Variants in ARB2A observed in about 807,000 individuals in gnomAD.
ARB2A encodes the protein ARB2 cotranscriptional regulator A.
At chr5:94,038,828 A>G in the ARB2A span, among the ~76,000 whole-genome samples, 5 of 151,868 alleles carry the variant, frequency 3.3e-5, no homozygotes, top group South Asian at 1.0e-3. Flanking sequence ...AAAAAACAGA[A>G]GGGGTTTTTG....
the ARB2A span, among the ~76,000 whole-genome samples, chr5:93,660,552 T>A: frequency 3.2e-4 from 49 of 152,136 alleles, 1 homozygote; most frequent in Admixed American, 2.9e-3. Flanking sequence ...CTTGTTTGGA[T>A]AGAATGAAAG....
chr5:93,892,672 T>C, the ARB2A span, among the ~76,000 whole-genome samples: 1 of 152,178 alleles, frequency 6.6e-6, no homozygotes, highest in Admixed American at 6.6e-5. Flanking sequence ...TGACTTGAAT[T>C]TCCTATTTGA....
At chr5:94,047,914 A>G in the ARB2A span, among the ~76,000 whole-genome samples, 3 of 152,166 alleles carry the variant, frequency 2.0e-5, no homozygotes, top group Non-Finnish European at 4.4e-5. Flanking sequence ...TGGCTTATGG[A>G]AAATAGTAAA....
At chr5:93,904,379 T>A in the ARB2A span, among the ~76,000 whole-genome samples, 2 of 151,858 alleles carry the variant, frequency 1.3e-5, no homozygotes, top group Non-Finnish European at 2.9e-5. Context: ...ATCTTTCTCA[T>A]GTGATGCTCT....
At chr5:93,838,800 G>A in the ARB2A span, among the ~76,000 whole-genome samples, 2 of 151,934 alleles carry the variant, frequency 1.3e-5, no homozygotes, top group East Asian at 3.9e-4. Context: ...ATTCTTTTTT[G>A]TGGCAATTGT....
At chr5:94,094,982 G>T in the ARB2A span, among the ~76,000 whole-genome samples, 1 of 152,192 alleles carries the variant, frequency 6.6e-6, no homozygotes, top group Admixed American at 6.5e-5. Flanking sequence ...TCCCCATGAC[G>T]TCATGATCAC....
chr5:93,917,615 C>T, the ARB2A span, among the ~76,000 whole-genome samples: 2,649 of 152,200 alleles, frequency 0.017, 22 homozygotes, highest in Non-Finnish European at 0.026. Context: ...CAGTGGTTCA[C>T]ACCTGTAATC....
the ARB2A span, among the ~76,000 whole-genome samples, chr5:93,937,541 G>A: frequency 6.6e-6 from 1 of 152,000 alleles, no homozygotes; most frequent in Non-Finnish European, 1.5e-5. Context: ...GAACCCAGGA[G>A]GCAGAGGTTG....
the ARB2A span, among the ~76,000 whole-genome samples, chr5:93,966,770 C>G: frequency 6.8e-4 from 103 of 152,198 alleles, no homozygotes; most frequent in African/African-American, 2.3e-3. Context: ...CAAGGTATGG[C>G]AAAGTGTCTC....
chr5:93,636,658 TTACAGCAGCCTGAATA>T, the ARB2A span, among the ~76,000 whole-genome samples: 20 of 152,246 alleles, frequency 1.3e-4, no homozygotes, highest in Non-Finnish European at 1.8e-4. Flanking sequence ...TCACAGTCTG[TTACAGCAGCCTGAATA>T]TACAGCAGCC....
chr5:93,632,814 AG>A, the ARB2A span, among the ~76,000 whole-genome samples: 1 of 152,242 alleles, frequency 6.6e-6, no homozygotes. Flanking sequence ...AGGAGTTGAA[AG>A]AAAGCCTAGT....
chr5:93,674,604 T>G, the ARB2A span, among the ~76,000 whole-genome samples: 9 of 152,214 alleles, frequency 5.9e-5, no homozygotes, highest in Non-Finnish European at 1.0e-4. Flanking sequence ...ACATTGATCA[T>G]GTAAATGTTT....
chr5:93,855,054 G>T, the ARB2A span, among the ~76,000 whole-genome samples: 1 of 152,108 alleles, frequency 6.6e-6, no homozygotes, highest in Non-Finnish European at 1.5e-5. Context: ...TGTTGATAGT[G>T]GGGTGTTAAA....
At chr5:93,757,098 G>A in the ARB2A span, among the ~76,000 whole-genome samples, 610 of 152,240 alleles carry the variant, frequency 4.0e-3, 11 homozygotes, top group Admixed American at 0.035. Context: ...AAGTCTCAGC[G>A]ATAGAATTGA....
At chr5:93,904,267 C>T in the ARB2A span, among the ~76,000 whole-genome samples, 2 of 151,908 alleles carry the variant, frequency 1.3e-5, no homozygotes, top group Middle Eastern at 3.4e-3. Flanking sequence ...TGATAGGCAA[C>T]AAATTCTAGC....
At chr5:93,941,095 A>G in the ARB2A span, among the ~76,000 whole-genome samples, 1 of 152,178 alleles carries the variant, frequency 6.6e-6, no homozygotes, top group Non-Finnish European at 1.5e-5. Context: ...TATTGATGAC[A>G]CTTTTCTCTA....
chr5:93,697,597 C>A, the ARB2A span, among the ~76,000 whole-genome samples: 1 of 151,924 alleles, frequency 6.6e-6, no homozygotes, highest in African/African-American at 2.4e-5. Context: ...AACAACTAAC[C>A]ACCAAAGTGA....
chr5:94,034,761 A>C, the ARB2A span, among the ~76,000 whole-genome samples: 1 of 152,052 alleles, frequency 6.6e-6, no homozygotes, highest in South Asian at 2.1e-4. Flanking sequence ...GGCGTCCCAA[A>C]CCCCCAGGCC....
the ARB2A span, among the ~76,000 whole-genome samples, chr5:94,073,461 T>A: frequency 6.6e-6 from 1 of 152,022 alleles, no homozygotes; most frequent in Non-Finnish European, 1.5e-5. Context: ...AACCTTGAAT[T>A]TGAATCCAGA....
Sources: gnomAD v4.1 joint callset for allele counts (sites outside exome capture counted in the v4.1 genomes callset) on GRCh38, gnomAD v4.1.1 for gene constraint, MANE v1.5 for transcripts, NCBI Gene and HGNC (gene_info 2026-07-23, HGNC 2026-07-21) for gene names.